Variants in TANC2 observed in about 807,000 individuals in gnomAD.
TANC2 encodes the protein tetratricopeptide repeat, ankyrin repeat and coiled-coil containing 2, also known as protein TANC2.
Under a neutral mutation model 210.5 loss-of-function variants are expected in TANC2, and 26 were observed. The ratio of observed to expected loss-of-function variants is 0.12; its 90% CI spans 0.09 to 0.17. TANC2 has a LOEUF of 0.17. Among genes scored for constraint, TANC2 ranks in the 10% least tolerant of loss-of-function variants. TANC2 has a pLI of 1.00. For synonymous variants in TANC2, 931 were observed against 967.1 expected (o/e 0.96, Z 0.69); for missense variants, 2,129 against 2,608.9 (o/e 0.82, Z 4.01).
At chr17:62,995,229 G>A (rs1329191454) in intron 1 of TANC2, among the ~76,000 whole-genome samples, 2 of 152,082 alleles carry the variant, frequency 1.3e-5, no homozygotes, top group Non-Finnish European at 2.9e-5. Context: ...TTGTTTCCTG[G>A]GAAGGCCAGC....
intron 5 of TANC2, among the ~76,000 whole-genome samples, chr17:63,175,074 A>G (rs1284501162): frequency 1.3e-5 from 2 of 152,220 alleles, no homozygotes; most frequent in African/African-American, 2.4e-5. Flanking sequence ...TAATCCAAAG[A>G]AAAAAACTAT....
At chr17:63,371,125 T>C (rs1413137975) in intron 14 of TANC2, among the ~76,000 whole-genome samples, 1 of 152,184 alleles carries the variant, frequency 6.6e-6, no homozygotes, top group African/African-American at 2.4e-5. Context: ...TCTTGCCAGC[T>C]AGCTGTAACT....
intron 1 of TANC2, among the ~76,000 whole-genome samples, chr17:62,970,869 C>A (rs1489640182): frequency 6.6e-6 from 1 of 152,156 alleles, no homozygotes; most frequent in Non-Finnish European, 1.5e-5. Flanking sequence ...TTGCAGAGGG[C>A]TGTTTACTCT....
intron 5 of TANC2, among the ~76,000 whole-genome samples, chr17:63,187,818 GA>G (rs11419421): frequency 9.3e-5 from 14 of 150,506 alleles, no homozygotes; most frequent in African/African-American, 2.7e-4. Context: ...ACTTCTCTTT[GA>G]AAAAAAAATT....
chr17:62,990,659 T>C (rs777750564), intron 1 of TANC2, among the ~76,000 whole-genome samples: 7 of 152,090 alleles, frequency 4.6e-5, no homozygotes, highest in African/African-American at 1.4e-4. Flanking sequence ...AGTTTCAAAA[T>C]ATAGAAGTCA....
intron 2 of TANC2, among the ~76,000 whole-genome samples, chr17:63,036,873 G>T (rs2034994124): frequency 6.8e-6 from 1 of 147,502 alleles, no homozygotes. Flanking sequence ...TGAGCTAGTG[G>T]TACAATAGTG....
chr17:63,370,182 C>CTT (rs568393678), intron 14 of TANC2, among the ~76,000 whole-genome samples: 69 of 131,142 alleles, frequency 5.3e-4, no homozygotes, highest in African/African-American at 1.7e-3. Flanking sequence ...CTTTTTTTTT[C>CTT]TTTTTTTTTT....
intron 4 of TANC2, among the ~76,000 whole-genome samples, chr17:63,147,018 G>A (rs1012490228): frequency 1.3e-5 from 2 of 151,906 alleles, no homozygotes; most frequent in African/African-American, 2.4e-5. Context: ...GAGTTAAATC[G>A]GTAAAAGAAT....
chr17:63,212,407 A>G lies in TANC2; in HGVS notation c.769+11450A>G, dbSNP rs142315458. ...TATCATCTATATTGCCATACATAAA[A>G]ATAGCTATAGAAATATGTTCATTCA... On this transcript the variant is annotated intron_variant, in intron 7 of 27. Coordinates refer to ENST00000689528, the Ensembl canonical transcript of TANC2. 6.6e-5 allele frequency among the ~76,000 whole-genome samples: 10 copies of G among 152,270 alleles called. No homozygotes were observed. In the East Asian group the frequency reaches 9.6e-4, roughly 15 times the overall value.
chr17:63,165,527 C>T (rs990161600), intron 5 of TANC2, among the ~76,000 whole-genome samples: 2 of 152,168 alleles, frequency 1.3e-5, no homozygotes, highest in African/African-American at 2.4e-5. Flanking sequence ...TAGGTCTTTC[C>T]CATTACCCGG....
At chr17:63,047,333 A>G (rs1272322237) in intron 2 of TANC2, among the ~76,000 whole-genome samples, 9 of 152,202 alleles carry the variant, frequency 5.9e-5, no homozygotes, top group Non-Finnish European at 1.2e-4. Flanking sequence ...TCTAAGTATA[A>G]AGTGAGGTAA....
intron 9 of TANC2, among the ~76,000 whole-genome samples, chr17:63,288,993 A>G (rs1331204994): frequency 6.6e-6 from 1 of 152,078 alleles, no homozygotes; most frequent in East Asian, 1.9e-4. Context: ...TTTTCTCTCA[A>G]CATTTTAAGT....
At chr17:63,308,999 ATTG>A in intron 9 of TANC2, among the ~76,000 whole-genome samples, 2 of 152,262 alleles carry the variant, frequency 1.3e-5, no homozygotes, top group South Asian at 4.1e-4. Flanking sequence ...CATAATATAT[ATTG>A]TTTTTTATTC....
chr17:63,423,508 C>G (rs1322688118), exon 28 of TANC2: 2 of 152,202 alleles, frequency 1.3e-5, no homozygotes, highest in Non-Finnish European at 1.5e-5. Context: ...AAGGAGCATT[C>G]GTTCTCTGTT....
chr17:62,973,078 GA>G (rs1205146486), intron 1 of TANC2, among the ~76,000 whole-genome samples: 1 of 151,080 alleles, frequency 6.6e-6, no homozygotes, highest in East Asian at 1.9e-4. Flanking sequence ...GCCTAGGCTA[GA>G]GTGTAATGGC....
chr17:63,157,778 C>T (rs1420960652), intron 5 of TANC2, among the ~76,000 whole-genome samples: 2 of 151,868 alleles, frequency 1.3e-5, no homozygotes, highest in African/African-American at 4.8e-5. Flanking sequence ...GAGACAGAGT[C>T]ATACTGTGCC....
At chr17:63,379,054 G>A (rs1328017318) in intron 14 of TANC2, among the ~76,000 whole-genome samples, 2 of 152,314 alleles carry the variant, frequency 1.3e-5, no homozygotes, top group Admixed American at 6.5e-5. Flanking sequence ...AATCTAGAGC[G>A]AGGAAAGAAT....
At chr17:63,200,481 T>TA (rs1400360137) in intron 6 of TANC2, among the ~76,000 whole-genome samples, 7 of 152,072 alleles carry the variant, frequency 4.6e-5, no homozygotes, top group African/African-American at 1.2e-4. Context: ...TTGTGCTTAA[T>TA]AAAAAATTTC....
At chr17:63,009,425 C>G (rs1437360795) in intron 1 of TANC2, 112 bp from the exon 2 acceptor site, 1 of 645,826 alleles carries the variant, frequency 1.5e-6, no homozygotes, top group Admixed American at 2.8e-5. Flanking sequence ...GCAAACAGTC[C>G]AGTTGTACCC....
Sources: allele counts gnomAD v4.1 joint callset (sites outside exome capture counted in the v4.1 genomes callset), GRCh38; gene constraint gnomAD v4.1.1; transcripts MANE v1.5; gene names NCBI Gene and HGNC (gene_info 2026-07-23, HGNC 2026-07-21).